CAD: variants seen among roughly 807,000 people sequenced by gnomAD.
CAD encodes the protein multifunctional protein CAD.
A neutral mutation model predicts 237.2 loss-of-function variants in CAD; 81 were observed. The ratio of observed to expected loss-of-function variants is 0.34; its 90% CI spans 0.29 to 0.41. The LOEUF (loss-of-function observed/expected upper bound fraction) is 0.41, where lower values mean the gene tolerates loss of function less well. CAD is among the 10% of genes least tolerant of loss of function. The pLI, the probability that CAD is intolerant of heterozygous loss-of-function variation, is 1.00. For missense variants in CAD, 2,181 were observed against 2,951.7 expected (o/e 0.74, Z 6.05); for synonymous variants, 1,196 against 1,162.8 (o/e 1.03, Z -0.58).
rs374226503 is a variant in CAD at position 27,235,120 on chromosome 2, CAG to C, written c.3787-120_3787-119del. 333 of 843,080 alleles carry C rather than the reference CAG, an allele frequency of 3.9e-4. 5 individuals are homozygous for C. Among genetic ancestry groups the C allele is most frequent in the South Asian group, 3.8e-3 (199 of 51,970 alleles). The allele number at this position is 843,080 out of a possible 1,614,324, so 52.2% of individuals were successfully genotyped here. A position where few individuals can be genotyped will look rare whatever the true frequency, so the allele number is the denominator to read the frequency against. ...TACGTTTGGAAAGCAGGAGGGCACA[CAG>C]AGAGGGCAGGCTGACCCTGCCATTC... is the stretch of plus-strand genomic sequence containing the variant. On this transcript the variant is annotated intron_variant, in intron 23 of 43. Transcript: ENST00000264705. The surrounding 1 kb of genome is among the most constrained non-coding windows in gnomAD (Gnocchi z 5.2).
rs563235827 is a variant in CAD at position 27,242,795 on chromosome 2, G to T, written c.6378+20G>T. On this transcript the variant is annotated intron_variant, in intron 41 of 43. Coordinates refer to ENST00000264705, the MANE Select transcript of CAD (RefSeq NM_004341.5). The surrounding 1 kb of genome is among the most constrained non-coding windows in gnomAD (Gnocchi z 6.4). ...AAGCAGGTGAGACCCTCACAGCCCT[G>T]CCTGGAAGCCATGGAGATGTGGGTT... is the stretch of plus-strand genomic sequence containing the variant. 9.3e-6 allele frequency: 15 copies of T among 1,614,208 alleles called. No homozygotes were observed. The highest frequency in any genetic ancestry group is 1.6e-4 in the Middle Eastern group (1 of 6,062).
intron 15 of CAD, among the ~76,000 whole-genome samples, chr2:27,229,950 T>G (rs1675650694): frequency 6.7e-6 from 1 of 149,668 alleles, no homozygotes; most frequent in Non-Finnish European, 1.5e-5. Context: ...AAGAATTAAG[T>G]TAGTTGGTTG....
chr2:27,236,775 T>A lies in CAD; in HGVS notation c.4341T>A (p.Pro1447=), dbSNP rs1407066627. ...VEALGQIGPA[P]PLKVHVDCMT... is the part of the protein sequence containing the mutation. ...CCCTAGGCCAGATCGGGCCAGCCCC[T>A]CCTTTGAAGGTGCATGTTGACTGTA... Residue 1447 remains proline (P), a synonymous_variant, in exon 27 of 44, where the codon CCT becomes CCA. Transcript: ENST00000264705. The surrounding 1 kb of genome is among the most constrained non-coding windows in gnomAD (Gnocchi z 4.1). 1 of 1,614,158 alleles carries A rather than the reference T, an allele frequency of 6.2e-7. No individual in the cohort carries two copies. Among genetic ancestry groups the A allele is most frequent in the South Asian group, 1.1e-5 (1 of 91,086 alleles).
chr2:27,217,426 CTCTCCA>C lies in CAD; in HGVS notation c.-125_-120del. On this transcript the variant is annotated 5_prime_UTR_variant, in exon 1 of 44. Coordinates refer to ENST00000264705, the MANE Select transcript of CAD (RefSeq NM_004341.5). ...GCTCCTACGCTGCCGCGCCCGGCTTCTCTCCAGCGCCCCGCGCCGTTAGCCACGTGG... is the reference window on the plus strand; with the variant it reads ...GCTCCTACGCTGCCGCGCCCGGCTTCGCGCCCCGCGCCGTTAGCCACGTGG... 4.8e-6 allele frequency: 4 copies of C among 831,124 alleles called. No individual in the cohort carries two copies. The highest frequency in any genetic ancestry group is 1.7e-5 in the African/African-American group (1 of 57,156). 51.5% of individuals were successfully genotyped at this position (831,124 alleles called of 1,614,324 possible).
chr2:27,234,783 C>A, intron 23 of CAD, 98 bp downstream of exon 23: 1 of 1,149,868 alleles, frequency 8.7e-7, no homozygotes. Context: ...GCACTGACTG[C>A]AAGGCATTGC....
intron 15 of CAD, chr2:27,227,444 C>T (rs78552954): frequency 0.019 from 2,963 of 156,836 alleles, 93 homozygotes; most frequent in African/African-American, 0.068. Context: ...CAAAAATATA[C>T]GTGTACCAGA....
chr2:27,234,340 G>T, intron 22 of CAD, 114 bp downstream of exon 22: 1 of 1,208,514 alleles, frequency 8.3e-7, no homozygotes, highest in Non-Finnish European at 1.2e-6. Context: ...AGGCAGGGAA[G>T]CTGGAGGGAA....
At chr2:27,230,413 G>A (rs994679041) in intron 15 of CAD, among the ~76,000 whole-genome samples, 5 of 151,928 alleles carry the variant, frequency 3.3e-5, no homozygotes, top group South Asian at 2.1e-4. Flanking sequence ...AGGCCGAGGC[G>A]GGTGGATCAC....
At chr2:27,221,147 C>G in intron 2 of CAD, 71 bp from the exon 3 acceptor site, 1 of 1,369,438 alleles carries the variant, frequency 7.3e-7, no homozygotes, top group Non-Finnish European at 9.8e-7. Flanking sequence ...GGTCTGTGGC[C>G]ACACAATCGG....
In CAD at chr2:27,237,374, C is replaced by T. The variant is rs1356699370; in HGVS notation, c.4397-5C>T. The stretch of plus-strand genomic sequence containing the variant: ...TGTAATCTTGCTGCTTCCATTTTCT[C>T]CCAGGATTGATTGATGTCCATGTGC... On this transcript the variant is annotated splice_region_variant and splice_polypyrimidine_tract_variant and intron_variant, in intron 27 of 43. Coordinates refer to ENST00000264705, the MANE Select transcript of CAD (RefSeq NM_004341.5). The surrounding 1 kb of genome is among the most constrained non-coding windows in gnomAD (Gnocchi z 4.0). 1 of 1,613,850 alleles carries T rather than the reference C, an allele frequency of 6.2e-7. No individual in the cohort carries two copies.
rs2148097003 is a variant in CAD, at chr2:27,241,427, G to A, written c.5883+31G>A. The A allele has an allele frequency of 5.6e-6, 9 of 1,608,236 alleles. No homozygotes were observed. Among genetic ancestry groups the A allele is most frequent in the Non-Finnish European group, 7.7e-6 (9 of 1,174,758 alleles). On this transcript the variant is annotated intron_variant, in intron 38 of 43. Coordinates refer to ENST00000264705, the MANE Select transcript of CAD (RefSeq NM_004341.5). This position sits in a 1 kb window ranked among gnomAD's most constrained non-coding sequence, Gnocchi z 4.6. ...GATCAGGGCCGGGGGTAGGGTCCAG[G>A]CCATCGCCTGCCCTTGGGCCGCATC...
rs758850591 is a variant in CAD at position 27,233,257 on chromosome 2, C to T, written c.2992-55C>T. On this transcript the variant is annotated intron_variant, in intron 19 of 43. Transcript: ENST00000264705. The surrounding 1 kb of genome is among the most constrained non-coding windows in gnomAD (Gnocchi z 6.3). ...CTGAGGGAAGCAGTGAGCAGGAAGG[C>T]TCAGATTCCTGCCCTCTTTTGCTGC... is the stretch of plus-strand genomic sequence containing the variant. 7 of 1,542,048 alleles carry T rather than the reference C, an allele frequency of 4.5e-6. No homozygotes were observed. Among genetic ancestry groups the T allele is most frequent in the East Asian group, 2.2e-5 (1 of 44,484 alleles).
chr2:27,238,228 C>G (rs200296169), intron 30 of CAD, 41 bp downstream of exon 30: 22 of 1,604,876 alleles, frequency 1.4e-5, no homozygotes, highest in Non-Finnish European at 1.7e-5. Context: ...TGTTGCTTTC[C>G]CAGTAACACC....
At position 27,233,655 on chromosome 2, in the gene CAD, G is replaced by A. The variant is rs764472196; in HGVS notation, c.3246G>A (p.Gly1082=). Residue 1082 remains glycine (G), a synonymous_variant, in exon 21 of 44, where the codon GGG becomes GGA. Coordinates refer to ENST00000264705, the MANE Select transcript of CAD (RefSeq NM_004341.5). The surrounding 1 kb of genome is among the most constrained non-coding windows in gnomAD (Gnocchi z 6.3). ...CTCGCCAATTCTGCCAGACCGTGGG[G>A]TACCCCTGTGTGGTGCGCCCCTCCT... ...ESARQFCQTV[G]YPCVVRPSYV... is the part of the protein sequence containing the mutation. 2.5e-6 allele frequency: 4 copies of A among 1,614,046 alleles called. No individual in the cohort carries two copies. In the African/African-American group the frequency reaches 4.0e-5, roughly 16 times the overall value.
At position 27,237,733 on chromosome 2, in the gene CAD, G is replaced by T. The variant is rs751940560; in HGVS notation, c.4579G>T (p.Ala1527Ser). ...ALAQKLAEAG[A>S]RCDFALFLGA... is the part of the protein sequence containing the mutation. Reference sequence around the variant, plus strand: ...TCCTCTCCAGCTGGCAGAGGCTGGCGCCCGGTGCGACTTTGCGCTATTCCT... The same window carrying T: ...TCCTCTCCAGCTGGCAGAGGCTGGCTCCCGGTGCGACTTTGCGCTATTCCT... Residue 1527 changes from alanine (A) to serine (S), a missense_variant, in exon 29 of 44, where the codon GCC (alanine) becomes TCC (serine). Ala to Ser is a moderately conservative substitution (Grantham distance 99). Transcript: ENST00000264705. This position sits in a 1 kb window ranked among gnomAD's most constrained non-coding sequence, Gnocchi z 4.0. 8.7e-6 allele frequency: 14 copies of T among 1,613,314 alleles called. No homozygotes were observed. Among genetic ancestry groups the T allele is most frequent in the African/African-American group, 1.3e-5 (1 of 74,956 alleles).
Position 27,233,888 on chromosome 2 carries a change from T to C in CAD, c.3399+80T>C. On this transcript the variant is annotated intron_variant, in intron 21 of 43. Coordinates refer to ENST00000264705, the MANE Select transcript of CAD (RefSeq NM_004341.5). This position sits in a 1 kb window ranked among gnomAD's most constrained non-coding sequence, Gnocchi z 6.3. ...GACTTCCTTCTCTGGTCCAGCAGAA[T>C]CATAGGCACCAGGGCTGGGAACAGT... 1 of 1,569,138 alleles carries C rather than the reference T, an allele frequency of 6.4e-7. No homozygotes were observed. Among genetic ancestry groups the C allele is most frequent in the African/African-American group, 1.4e-5 (1 of 74,016 alleles).
Position 27,222,903 on chromosome 2 carries a change from C to T in CAD, c.675C>T (p.Asp225=). 1 of 1,614,194 alleles carries T rather than the reference C, an allele frequency of 6.2e-7. No individual in the cohort carries two copies. Among genetic ancestry groups the T allele is most frequent in the Non-Finnish European group, 8.5e-7 (1 of 1,180,044 alleles). The change falls in exon 6 of 44, where the codon GAC becomes GAT. Residue 225 remains aspartate (D), a synonymous_variant. Coordinates refer to ENST00000264705, the MANE Select transcript of CAD (RefSeq NM_004341.5). ...EGLFLSNGPG[D]PASYPSVVST... ...TCTTCTTAAGTAATGGGCCTGGTGACCCTGCCTCCTATCCCAGTGTCGTAT... is the reference window on the plus strand; with the variant it reads ...TCTTCTTAAGTAATGGGCCTGGTGATCCTGCCTCCTATCCCAGTGTCGTAT...
intron 16 of CAD, 34 bp from the exon 17 acceptor site, chr2:27,231,946 A>G: frequency 6.2e-7 from 1 of 1,612,920 alleles, no homozygotes; most frequent in East Asian, 2.2e-5. Context: ...ATGGGCTGGC[A>G]GTAGCTTCCG....
At position 27,233,461 on chromosome 2, in the gene CAD, C is replaced by T. The variant is rs141359313; in HGVS notation, c.3141C>T (p.Asn1047=). The T allele has an allele frequency of 6.2e-7, 1 of 1,614,202 alleles. No individual in the cohort carries two copies. Among genetic ancestry groups the T allele is most frequent in the Non-Finnish European group, 8.5e-7 (1 of 1,180,032 alleles). Residue 1047 remains asparagine (N), a synonymous_variant, in exon 20 of 44, where the codon AAC becomes AAT. Coordinates refer to ENST00000264705, the MANE Select transcript of CAD (RefSeq NM_004341.5). The surrounding 1 kb of genome is among the most constrained non-coding windows in gnomAD (Gnocchi z 6.3). ...TSPEAIDSAE[N]RFKFSRLLDT... is the part of the protein sequence containing the mutation. The stretch of plus-strand genomic sequence containing the variant: ...CTGAAGCCATTGACTCGGCTGAGAA[C>T]CGTTTCAAGTTTTCCCGGCTCCTTG...
Sources: allele counts gnomAD v4.1 joint callset (sites outside exome capture counted in the v4.1 genomes callset), GRCh38; gene constraint gnomAD v4.1.1; non-coding constraint Gnocchi (gnomAD v3.1); transcripts MANE v1.5; gene names NCBI Gene and HGNC (gene_info 2026-07-23, HGNC 2026-07-21).